The following NYAP2 variants were observed in gnomAD, a reference collection of about 807,000 sequenced individuals.
NYAP2 encodes neuronal tyrosine-phosphorylated phosphoinositide-3-kinase adapter 2.
Under a neutral mutation model 50.4 loss-of-function variants are expected in NYAP2, and 23 were observed. The ratio of observed to expected loss-of-function variants is 0.46; its 90% CI spans 0.33 to 0.65. The LOEUF (loss-of-function observed/expected upper bound fraction) is 0.65. Ranked by LOEUF, NYAP2 falls within the 30% of genes least tolerant of loss-of-function variation. NYAP2 has a pLI of 0.02. For synonymous variants in NYAP2, 394 were observed against 365.2 expected (o/e 1.08, Z -0.90); for missense variants, 885 against 861.0 (o/e 1.03, Z -0.35).
chr2:225,488,050 C>G (rs1690335519), intron 3 of NYAP2, among the ~76,000 whole-genome samples: 1 of 152,174 alleles, frequency 6.6e-6, no homozygotes, highest in Non-Finnish European at 1.5e-5. Flanking sequence ...TCTCTTTGTT[C>G]TCCTAGGAAG....
intron 5 of NYAP2, among the ~76,000 whole-genome samples, chr2:225,622,360 G>GT (rs1693119417): frequency 6.6e-6 from 1 of 152,004 alleles, no homozygotes; most frequent in Non-Finnish European, 1.5e-5. Flanking sequence ...TCCTTGCTTT[G>GT]TTTTTTCTGC....
chr2:225,453,036 T>C (rs1400729389), intron 3 of NYAP2, among the ~76,000 whole-genome samples: 1 of 152,200 alleles, frequency 6.6e-6, no homozygotes, highest in South Asian at 2.1e-4. Context: ...GGCATGTCAC[T>C]GAGCTCTGTG....
intron 4 of NYAP2, among the ~76,000 whole-genome samples, chr2:225,569,009 C>A (rs1186165819): frequency 6.6e-6 from 1 of 152,132 alleles, no homozygotes; most frequent in African/African-American, 2.4e-5. Context: ...ACCTAATAAC[C>A]TGATGGGGTA....
intron 5 of NYAP2, among the ~76,000 whole-genome samples, chr2:225,608,583 T>G (rs1692828740): frequency 6.6e-6 from 1 of 152,176 alleles, no homozygotes; most frequent in Admixed American, 6.5e-5. Flanking sequence ...AGGCTGAACT[T>G]ATTACGGTCC....
chr2:225,471,806 C>G (rs149170670), intron 3 of NYAP2, among the ~76,000 whole-genome samples: 119 of 152,292 alleles, frequency 7.8e-4, no homozygotes, highest in African/African-American at 2.8e-3. Flanking sequence ...AGGACTGATA[C>G]TAGCTCTGCC....
the NYAP2 span, among the ~76,000 whole-genome samples, chr2:225,698,022 TA>T: frequency 6.6e-6 from 1 of 151,710 alleles, no homozygotes; most frequent in East Asian, 2.0e-4. Flanking sequence ...AAATTTTTTT[TA>T]AAAAATTAGC....
intron 4 of NYAP2, among the ~76,000 whole-genome samples, chr2:225,568,143 C>T (rs1456813107): frequency 3.3e-5 from 5 of 152,136 alleles, no homozygotes; most frequent in Admixed American, 3.3e-4. Flanking sequence ...ATTATGCTTA[C>T]AAAGTCATTA....
chr2:225,685,764 A>T, the NYAP2 span, among the ~76,000 whole-genome samples: 339 of 152,290 alleles, frequency 2.2e-3, 2 homozygotes, highest in African/African-American at 7.5e-3. Flanking sequence ...GGACACAAAC[A>T]TAGTTTTTAA....
intron 4 of NYAP2, among the ~76,000 whole-genome samples, chr2:225,554,276 T>G (rs975255138): frequency 2.0e-5 from 3 of 151,512 alleles, no homozygotes; most frequent in African/African-American, 7.3e-5. Flanking sequence ...ACAGAAAAAT[T>G]TCCCAATCTA....
chr2:225,690,657 T>G, the NYAP2 span, among the ~76,000 whole-genome samples: 1 of 152,126 alleles, frequency 6.6e-6, no homozygotes, highest in Admixed American at 6.6e-5. Context: ...AATTCTAACA[T>G]ACGGCTTTTC....
At chr2:225,532,190 C>T (rs1335594235) in intron 4 of NYAP2, among the ~76,000 whole-genome samples, 1 of 152,192 alleles carries the variant, frequency 6.6e-6, no homozygotes, top group Admixed American at 6.5e-5. Flanking sequence ...AGATTCATTC[C>T]TTTTTTTCCA....
chr2:225,608,216 G>A (rs1692823531), intron 5 of NYAP2, among the ~76,000 whole-genome samples: 1 of 152,074 alleles, frequency 6.6e-6, no homozygotes, highest in Non-Finnish European at 1.5e-5. Context: ...TTATATTTCT[G>A]CATTTTTAAA....
intron 5 of NYAP2, among the ~76,000 whole-genome samples, chr2:225,599,718 G>A (rs1445304485): frequency 6.6e-6 from 1 of 152,180 alleles, no homozygotes; most frequent in Non-Finnish European, 1.5e-5. Flanking sequence ...AGAATTCAAA[G>A]TCCAGGATAC....
At chr2:225,492,003 A>G (rs950009366) in intron 3 of NYAP2, among the ~76,000 whole-genome samples, 4 of 152,170 alleles carry the variant, frequency 2.6e-5, no homozygotes, top group African/African-American at 9.7e-5. Flanking sequence ...GGTATGACCC[A>G]AGGGGTGTGG....
At chr2:225,536,979 C>G (rs1253629696) in intron 4 of NYAP2, among the ~76,000 whole-genome samples, 1 of 151,972 alleles carries the variant, frequency 6.6e-6, no homozygotes, top group African/African-American at 2.4e-5. Flanking sequence ...GAGGTTTCAC[C>G]ATGTTAGCCA....
At chr2:225,573,250 CTTTTTT>C (rs59186607) in intron 4 of NYAP2, among the ~76,000 whole-genome samples, 1 of 126,732 alleles carries the variant, frequency 7.9e-6, no homozygotes. Flanking sequence ...ATTATTATTT[CTTTTTT>C]TTTTTTTTTT....
chr2:225,588,439 G>T (rs865831061), intron 5 of NYAP2, among the ~76,000 whole-genome samples: 4 of 151,848 alleles, frequency 2.6e-5, no homozygotes, highest in African/African-American at 9.7e-5. Context: ...TGCCTCACAT[G>T]GACATACAGG....
intron 3 of NYAP2, among the ~76,000 whole-genome samples, chr2:225,442,830 C>G (rs2106141926): frequency 6.6e-6 from 1 of 152,258 alleles, no homozygotes; most frequent in African/African-American, 2.4e-5. Context: ...CCTGCCTTGG[C>G]CCCCACAAAG....
chr2:225,454,878 A>G (rs1223870557), intron 3 of NYAP2, among the ~76,000 whole-genome samples: 3 of 152,092 alleles, frequency 2.0e-5, no homozygotes, highest in Non-Finnish European at 4.4e-5. Context: ...GGCGATTAAG[A>G]TTTCAGATGG....
Sources: gnomAD v4.1 joint callset for allele counts (sites outside exome capture counted in the v4.1 genomes callset) on GRCh38, gnomAD v4.1.1 for gene constraint, MANE v1.5 for transcripts, NCBI Gene and HGNC (gene_info 2026-07-23, HGNC 2026-07-21) for gene names.